The following MDH1B variants were observed in gnomAD, a reference collection of about 807,000 sequenced individuals.
The protein encoded by MDH1B is malate dehydrogenase 1B, also known as putative malate dehydrogenase 1B.
MDH1B carries 60 observed loss-of-function variants against 61.4 expected under a neutral mutation model. That is an observed-to-expected ratio of 0.98 (90% CI 0.79 to 1.21). The LOEUF is 1.21. Ranked by LOEUF, MDH1B falls within the 50% of genes most tolerant of loss-of-function variation. MDH1B has a pLI of 0.00. For synonymous variants in MDH1B, 236 were observed against 218.7 expected, an observed-to-expected ratio of 1.08 and a Z score of -0.70; for missense variants, 587 against 632.1, an observed-to-expected ratio of 0.93 and a Z score of 0.76.
intron 1 of MDH1B, among the ~76,000 whole-genome samples, chr2:206,764,086 C>A (rs767927831): frequency 1.6e-4 from 24 of 151,944 alleles, no homozygotes; most frequent in Non-Finnish European, 2.5e-4. Flanking sequence ...ATCACTTGAG[C>A]GTAGGAGTTC....
At position 206,754,949 on chromosome 2, in the gene MDH1B, C is replaced by A. The variant is rs536885195; in HGVS notation, c.910+60G>T. On this transcript the variant is annotated intron_variant, in intron 5 of 11. Transcript: ENST00000374412. The stretch of plus-strand genomic sequence containing the variant: ...CTAGAGGGGACAGTGTTCTTCCTAG[C>A]TGCTTTGAAATCATGTTGTTTCAAA... The A allele has an allele frequency of 6.6e-5, 102 of 1,548,394 alleles. No individual in the cohort carries two copies. The African/African-American group carries it at 1.2e-3, about 18-fold the overall frequency.
intron 6 of MDH1B, among the ~76,000 whole-genome samples, chr2:206,749,487 C>T (rs1396592024): frequency 1.3e-5 from 2 of 152,126 alleles, no homozygotes; most frequent in Non-Finnish European, 1.5e-5. Flanking sequence ...AAGAATTGAT[C>T]CTGTGTAGAC....
chr2:206,748,357 C>T (rs966833438), intron 7 of MDH1B, among the ~76,000 whole-genome samples: 7 of 152,218 alleles, frequency 4.6e-5, no homozygotes, highest in East Asian at 3.8e-4. Flanking sequence ...CCAGCCTGAG[C>T]GTCACAGCAA....
intron 6 of MDH1B, 96 bp from the exon 7 acceptor site, chr2:206,749,279 A>G: frequency 2.1e-6 from 2 of 971,550 alleles, no homozygotes; most frequent in Admixed American, 4.8e-5. Context: ...TCAGAAACCT[A>G]ATCCACAGTC....
chr2:206,749,010 C>T lies in MDH1B; in HGVS notation c.1216+10G>A. 1 of 1,609,942 alleles carries T rather than the reference C, an allele frequency of 6.2e-7. No individual in the cohort carries two copies. The highest frequency in any genetic ancestry group is 8.5e-7 in the Non-Finnish European group (1 of 1,178,194). On this transcript the variant is annotated intron_variant, in intron 7 of 11. Transcript: ENST00000374412. ...TAAGATTTTACAAGATATGAAAAAC[C>T]CAGATTTACCTTCACTCAATATTCC... is the stretch of plus-strand genomic sequence containing the variant.
rs367705589 is a variant in MDH1B, at chr2:206,757,188, T to C, written c.270+49A>G. ...AAAGCAAGATATTTGAAAAATAAAA[T>C]AATGTAAGAGAATTATCATTATTAG... On this transcript the variant is annotated intron_variant, in intron 3 of 11. Coordinates refer to ENST00000374412, the MANE Select transcript of MDH1B (RefSeq NM_001039845.3). 59 of 1,555,120 alleles carry C rather than the reference T, an allele frequency of 3.8e-5. 1 individual carries two copies. The South Asian group carries it at 4.7e-4, about 12-fold the overall frequency.
chr2:206,756,927 G>C lies in MDH1B; in HGVS notation c.384C>G (p.Cys128Trp), dbSNP rs145641921. 6.2e-7 allele frequency: 1 copy of C among 1,614,170 alleles called. No homozygotes were observed. The highest frequency in any genetic ancestry group is 8.5e-7 in the Non-Finnish European group (1 of 1,180,020). Residue 128 changes from cysteine to tryptophan, a missense_variant, in exon 4 of 12, where the codon TGC becomes TGG. Physicochemically the swap from Cys to Trp is radical, Grantham distance 215. Coordinates refer to ENST00000374412, the MANE Select transcript of MDH1B (RefSeq NM_001039845.3). ...KEQEEEALKTCINPLQVWITS... is the reference protein window; with the variant it reads ...KEQEEEALKTWINPLQVWITS... ...TGATCCAGACCTGCAAGGGGTTGATGCAAGTTTTCAGGGCTTCTTCCTCCT... is the reference window on the plus strand; with the variant it reads ...TGATCCAGACCTGCAAGGGGTTGATCCAAGTTTTCAGGGCTTCTTCCTCCT...
intron 1 of MDH1B, among the ~76,000 whole-genome samples, chr2:206,762,050 C>T (rs914881886): frequency 2.0e-5 from 3 of 152,150 alleles, no homozygotes; most frequent in Non-Finnish European, 4.4e-5. Flanking sequence ...ACTACAGAAA[C>T]ATTGTAGAAC....
At chr2:206,764,086 C>T (rs767927831) in intron 1 of MDH1B, among the ~76,000 whole-genome samples, 1 of 151,944 alleles carries the variant, frequency 6.6e-6, no homozygotes, top group Non-Finnish European at 1.5e-5. Flanking sequence ...ATCACTTGAG[C>T]GTAGGAGTTC....
intron 5 of MDH1B, among the ~76,000 whole-genome samples, chr2:206,751,303 A>G (rs1041300577): frequency 1.3e-5 from 2 of 152,180 alleles, no homozygotes; most frequent in African/African-American, 4.8e-5. Flanking sequence ...TATGGTGTAT[A>G]ATTAAATTAA....
At chr2:206,739,495 T>A (rs1687686104) in intron 11 of MDH1B, 98 bp downstream of exon 11, 1 of 1,098,222 alleles carries the variant, frequency 9.1e-7, no homozygotes, top group African/African-American at 1.6e-5. Context: ...GTGGGGAGGG[T>A]TTGACAAGAA....
intron 8 of MDH1B, among the ~76,000 whole-genome samples, 166 bp downstream of exon 8, chr2:206,746,121 G>A (rs13416741): frequency 0.25 from 37,932 of 151,894 alleles, 6,367 homozygotes; most frequent in African/African-American, 0.46. Context: ...ATAACTAAAT[G>A]AGTAGTGTTC....
In MDH1B at chr2:206,741,067, T is replaced by C; in HGVS notation, c.1446A>G (p.Leu482=). The change falls in exon 10 of 12, where the codon CTA becomes CTG. Residue 482 remains leucine (L), a synonymous_variant. Coordinates refer to ENST00000374412, the MANE Select transcript of MDH1B (RefSeq NM_001039845.3). Reference sequence around the variant, plus strand: ...CCACTGACTTACCATCTGACATAGCTAGATTTTTTTCTTCATCAGGGACCA... The same window carrying C: ...CCACTGACTTACCATCTGACATAGCCAGATTTTTTTCTTCATCAGGGACCA... The part of the protein sequence containing the change: ...KDLVPDEEKN[L]AMSDAAEFPN... 1 of 1,613,196 alleles carries C rather than the reference T, an allele frequency of 6.2e-7. No individual in the cohort carries two copies.
At position 206,740,974 on chromosome 2, in the gene MDH1B, A is replaced by G. The variant is rs529413469; in HGVS notation, c.1459+80T>C. 8.8e-5 allele frequency: 139 copies of G among 1,586,978 alleles called. 2 individuals carry two copies. The South Asian group carries it at 1.2e-3, about 13-fold the overall frequency. On this transcript the variant is annotated intron_variant, in intron 10 of 11. Transcript: ENST00000374412. ...AAACTTGCTTTGGTCGCTAGACCAT[A>G]ACATTATTCTCTAACAACTGGACAA...
intron 7 of MDH1B, among the ~76,000 whole-genome samples, chr2:206,748,700 C>T (rs1559337800): frequency 2.0e-5 from 3 of 152,192 alleles, no homozygotes; most frequent in African/African-American, 7.2e-5. Context: ...CTAGAATTGA[C>T]CTTGCTTTCC....
At chr2:206,756,160 T>A (rs1326962590) in intron 4 of MDH1B, among the ~76,000 whole-genome samples, 1 of 152,160 alleles carries the variant, frequency 6.6e-6, no homozygotes, top group Non-Finnish European at 1.5e-5. Flanking sequence ...TTCAACAGTA[T>A]CTGTACCGAT....
intron 2 of MDH1B, among the ~76,000 whole-genome samples, chr2:206,760,303 C>G (rs1278065668): frequency 6.6e-6 from 1 of 152,194 alleles, no homozygotes; most frequent in Non-Finnish European, 1.5e-5. Context: ...CCAGGGGCAG[C>G]TGATATCCGA....
chr2:206,738,620 G>A, intron 11 of MDH1B, 109 bp from the exon 12 acceptor site: 1 of 707,144 alleles, frequency 1.4e-6, no homozygotes, highest in Non-Finnish European at 2.4e-6. Flanking sequence ...TGATTCAATA[G>A]CTGAGAAAGT....
At chr2:206,740,977 A>T (rs1687774551) in intron 10 of MDH1B, 77 bp downstream of exon 10, 1 of 1,592,976 alleles carries the variant, frequency 6.3e-7, no homozygotes, top group Non-Finnish European at 8.6e-7. Context: ...AGACCATAAC[A>T]TTATTCTCTA....
Sources: allele counts gnomAD v4.1 joint callset (sites outside exome capture counted in the v4.1 genomes callset), GRCh38; gene constraint gnomAD v4.1.1; transcripts MANE v1.5; gene names NCBI Gene and HGNC (gene_info 2026-07-23, HGNC 2026-07-21).